Variants in TMEM108 observed in about 807,000 individuals in gnomAD.
TMEM108 encodes the protein cancer/testis antigen 124.
Under a neutral mutation model 35.1 loss-of-function variants are expected in TMEM108, and 12 were observed. The ratio of observed to expected loss-of-function variants is 0.34; its 90% confidence interval spans 0.22 to 0.55. TMEM108 has a LOEUF of 0.55. Among genes scored for constraint, TMEM108 ranks in the 20% least tolerant of loss-of-function variants. The probability of loss-of-function intolerance (pLI) is 0.89; values close to 1 mark genes in which losing one functional copy is unlikely to be tolerated. For synonymous variants in TMEM108, 287 were observed against 308.6 expected (o/e 0.93, Z 0.73); for missense variants, 680 against 753.3 (o/e 0.90, Z 1.14).
At chr3:133,095,706 A>C (rs953712640) in intron 2 of TMEM108, among the ~76,000 whole-genome samples, 13 of 152,108 alleles carry the variant, frequency 8.5e-5, no homozygotes, top group African/African-American at 3.1e-4. Flanking sequence ...TGCTTCTATG[A>C]GAATCTAATG....
intron 3 of TMEM108, among the ~76,000 whole-genome samples, chr3:133,320,348 CT>C (rs1282854758): frequency 6.6e-6 from 1 of 151,060 alleles, no homozygotes; most frequent in Non-Finnish European, 1.5e-5. Context: ...ACAATCACAA[CT>C]TCTGGAAATG....
chr3:133,238,064 C>T (rs555135835), intron 3 of TMEM108, among the ~76,000 whole-genome samples: 2 of 152,212 alleles, frequency 1.3e-5, no homozygotes, highest in Admixed American at 1.3e-4. Flanking sequence ...TGGTCCCGGA[C>T]TACCTTTCCA....
intron 2 of TMEM108, among the ~76,000 whole-genome samples, chr3:133,212,976 G>A (rs1945855497): frequency 6.6e-6 from 1 of 151,258 alleles, no homozygotes; most frequent in South Asian, 2.1e-4. Flanking sequence ...AATATGCAAA[G>A]CATCTGTATC....
intron 3 of TMEM108, among the ~76,000 whole-genome samples, chr3:133,310,224 G>A (rs1025428018): frequency 6.6e-6 from 1 of 152,148 alleles, no homozygotes; most frequent in African/African-American, 2.4e-5. Flanking sequence ...AGGTCCACTT[G>A]GTCCAGAGTT....
intron 2 of TMEM108, among the ~76,000 whole-genome samples, chr3:133,199,271 CCTT>C (rs1189517894): frequency 6.6e-6 from 1 of 152,202 alleles, no homozygotes; most frequent in Non-Finnish European, 1.5e-5. Flanking sequence ...TCATCTGAAG[CCTT>C]CTTCTCTCAA....
chr3:133,229,850 C>T (rs1410740447), intron 3 of TMEM108, among the ~76,000 whole-genome samples: 1 of 152,202 alleles, frequency 6.6e-6, no homozygotes, highest in Non-Finnish European at 1.5e-5. Context: ...TCTCAAATAA[C>T]AAGTGGTGAA....
At chr3:133,237,134 T>C (rs1310073893) in intron 3 of TMEM108, among the ~76,000 whole-genome samples, 1 of 151,362 alleles carries the variant, frequency 6.6e-6, no homozygotes, top group East Asian at 1.9e-4. Flanking sequence ...AATCTGCATA[T>C]TTCCCTTGCT....
intron 2 of TMEM108, among the ~76,000 whole-genome samples, chr3:133,178,824 T>C (rs1945281993): frequency 6.6e-6 from 1 of 152,074 alleles, no homozygotes; most frequent in South Asian, 2.1e-4. Context: ...CTAATTAAAC[T>C]AAAGAGCTTC....
intron 2 of TMEM108, among the ~76,000 whole-genome samples, chr3:133,164,185 T>C (rs1187845118): frequency 6.6e-6 from 1 of 152,214 alleles, no homozygotes; most frequent in Non-Finnish European, 1.5e-5. Flanking sequence ...AGTGCCGTTT[T>C]CTACTATATA....
At chr3:133,280,381 T>G (rs541667728) in intron 3 of TMEM108, among the ~76,000 whole-genome samples, 1 of 152,360 alleles carries the variant, frequency 6.6e-6, no homozygotes, top group African/African-American at 2.4e-5. Context: ...TGTGCATTTC[T>G]ATTTATTTCC....
chr3:133,168,603 ACTCTGTAAAACAGACCAATCAGCT>A (rs1283525777), intron 2 of TMEM108, among the ~76,000 whole-genome samples: 7 of 152,072 alleles, frequency 4.6e-5, no homozygotes, highest in Non-Finnish European at 8.8e-5. Context: ...ACCAATCAGC[ACTCTGTAAAACAGACCAATCAGCT>A]CTCTGTAAAA....
chr3:133,118,007 C>T (rs575600447), intron 2 of TMEM108, among the ~76,000 whole-genome samples: 5 of 152,260 alleles, frequency 3.3e-5, no homozygotes, highest in African/African-American at 1.2e-4. Context: ...GGAGGAATAG[C>T]ATGGCTTCTG....
intron 3 of TMEM108, among the ~76,000 whole-genome samples, chr3:133,323,402 A>T (rs1252653210): frequency 6.6e-6 from 1 of 152,210 alleles, no homozygotes; most frequent in Non-Finnish European, 1.5e-5. Context: ...CTGAGAATCA[A>T]ATCAAGAACT....
chr3:133,366,520 G>A (rs2072504647), intron 3 of TMEM108, among the ~76,000 whole-genome samples: 1 of 152,212 alleles, frequency 6.6e-6, no homozygotes. Flanking sequence ...TGTGCAATAT[G>A]CTCCACCCAA....
intron 3 of TMEM108, chr3:133,378,275 C>T (rs4854719): frequency 0.38 from 355,611 of 929,416 alleles, 68,253 homozygotes; most frequent in East Asian, 0.42. Flanking sequence ...ACACACCAAA[C>T]GGTGATCCTG....
At chr3:133,115,313 G>A (rs139732599) in intron 2 of TMEM108, among the ~76,000 whole-genome samples, 118 of 152,282 alleles carry the variant, frequency 7.7e-4, no homozygotes, top group African/African-American at 2.7e-3. Context: ...CCAAGGATAA[G>A]CTGACTAATA....
chr3:133,118,809 G>T (rs999638570), intron 2 of TMEM108, among the ~76,000 whole-genome samples: 1 of 152,132 alleles, frequency 6.6e-6, no homozygotes, highest in African/African-American at 2.4e-5. Context: ...TCAGTTTACC[G>T]TAGGGGGTGT....
chr3:133,218,156 AT>A (rs1255927588), intron 2 of TMEM108, among the ~76,000 whole-genome samples: 2 of 151,758 alleles, frequency 1.3e-5, no homozygotes, highest in Non-Finnish European at 1.5e-5. Flanking sequence ...ATTTCTAAGT[AT>A]TTTTTTATAA....
At chr3:133,230,542 A>G (rs987474753) in intron 3 of TMEM108, among the ~76,000 whole-genome samples, 1 of 152,212 alleles carries the variant, frequency 6.6e-6, no homozygotes, top group Non-Finnish European at 1.5e-5. Context: ...TAAAGAAGCA[A>G]TGTCATCAAG....
Sources: allele counts gnomAD v4.1 joint callset (sites outside exome capture counted in the v4.1 genomes callset), GRCh38; gene constraint gnomAD v4.1.1; transcripts MANE v1.5; gene names NCBI Gene and HGNC (gene_info 2026-07-23, HGNC 2026-07-21).